The following MAP3K19 variants were observed in gnomAD, a reference collection of about 807,000 sequenced individuals.
MAP3K19 encodes mitogen-activated protein kinase kinase kinase 19.
A neutral mutation model predicts 114.4 loss-of-function variants in MAP3K19; 91 were observed. The ratio of observed to expected loss-of-function variants is 0.80; its 90% CI spans 0.67 to 0.95. MAP3K19 has a LOEUF of 0.95. MAP3K19 is among the 40% of genes least tolerant of loss of function. The pLI, the probability that MAP3K19 is intolerant of heterozygous loss-of-function variation, is 0.00. For synonymous variants in MAP3K19, 518 were observed against 530.5 expected (o/e 0.98, Z 0.32); for missense variants, 1,471 against 1,573.2 (o/e 0.94, Z 1.10).
intron 1 of MAP3K19, among the ~76,000 whole-genome samples, chr2:135,044,469 AAT>A (rs1688701194): frequency 6.6e-6 from 1 of 152,170 alleles, no homozygotes. Context: ...GCATGCCTGT[AAT>A]ACAAGCTACT....
chr2:134,988,313 C>T (rs1685322390), intron 9 of MAP3K19, 60 bp from the exon 10 acceptor site: 6 of 1,384,244 alleles, frequency 4.3e-6, no homozygotes, highest in Middle Eastern at 1.9e-4. Context: ...CACGCTAACT[C>T]GTTTAAAGTA....
At chr2:134,985,756 G>A (rs1685046131) in intron 10 of MAP3K19, 44 bp downstream of exon 10, 3 of 1,490,710 alleles carry the variant, frequency 2.0e-6, no homozygotes, top group East Asian at 4.5e-5. Context: ...TTGTCTCTGA[G>A]GTCCTTCCCA....
intron 8 of MAP3K19, among the ~76,000 whole-genome samples, chr2:134,992,250 T>G (rs980243759): frequency 6.6e-6 from 1 of 152,102 alleles, no homozygotes; most frequent in African/African-American, 2.4e-5. Flanking sequence ...TGTGCAGAAA[T>G]GTGAAAATAT....
intron 8 of MAP3K19, among the ~76,000 whole-genome samples, chr2:134,997,314 AGTG>A (rs1269134464): frequency 6.6e-6 from 1 of 152,220 alleles, no homozygotes; most frequent in Non-Finnish European, 1.5e-5. Context: ...AAAATAGAAT[AGTG>A]GTCACCAGAG....
At chr2:134,967,352 G>GT (rs1436272458) in intron 12 of MAP3K19, among the ~76,000 whole-genome samples, 1 of 152,238 alleles carries the variant, frequency 6.6e-6, no homozygotes, top group Non-Finnish European at 1.5e-5. Context: ...TAAAGGGTCT[G>GT]GCTGAGGTGG....
chr2:135,034,920 C>G (rs1688494772), intron 2 of MAP3K19, among the ~76,000 whole-genome samples: 1 of 147,238 alleles, frequency 6.8e-6, no homozygotes, highest in South Asian at 2.2e-4. Flanking sequence ...AACCTATTAT[C>G]TTTAGCCTAA....
At chr2:134,966,078 G>A (rs1683327249) in intron 12 of MAP3K19, among the ~76,000 whole-genome samples, 1 of 152,116 alleles carries the variant, frequency 6.6e-6, no homozygotes, top group Non-Finnish European at 1.5e-5. Context: ...TTTTATGGCT[G>A]AGTAGCATTC....
At chr2:134,977,845 C>T (rs1462190036) in intron 12 of MAP3K19, among the ~76,000 whole-genome samples, 3 of 152,114 alleles carry the variant, frequency 2.0e-5, no homozygotes, top group Non-Finnish European at 2.9e-5. Flanking sequence ...AGGCTAAGCT[C>T]GGTGACTTCC....
At chr2:135,019,888 T>C (rs779379898) in intron 5 of MAP3K19, among the ~76,000 whole-genome samples, 1 of 152,150 alleles carries the variant, frequency 6.6e-6, no homozygotes, top group Non-Finnish European at 1.5e-5. Flanking sequence ...CTAATACTGT[T>C]ACTGTACTAT....
chr2:134,998,788 G>A lies in MAP3K19; in HGVS notation c.524C>T (p.Thr175Ile). The A allele has an allele frequency of 1.2e-6, 2 of 1,612,052 alleles. No individual in the cohort carries two copies. Among genetic ancestry groups the A allele is most frequent in the Non-Finnish European group, 1.7e-6 (2 of 1,178,636 alleles). ...CLELNISKSV[T>I]REDAPHFLKE... The stretch of plus-strand genomic sequence containing the variant: ...CAGAAAATGAGGAGCATCTTCTCTG[G>A]TTACAGACTTGGAAATGTTCAGTTC... Residue 175 changes from threonine to isoleucine, a missense_variant, in exon 8 of 13, where the codon ACC becomes ATC. Physicochemically the swap from Thr to Ile is moderately conservative, Grantham distance 89. Transcript: ENST00000392915.
rs372852337 is a variant in MAP3K19, at chr2:135,019,893, T to C, written c.138+1822A>G. 6.3e-4 allele frequency among the ~76,000 whole-genome samples: 96 copies of C among 152,276 alleles called. 1 individual carries two copies. The highest frequency in any genetic ancestry group is 2.0e-3 in the African/African-American group (82 of 41,548). On this transcript the variant is annotated intron_variant, in intron 5 of 12. Coordinates refer to ENST00000392915, the MANE Select transcript of MAP3K19 (RefSeq NM_025052.5). ...ATGCTTGTTACTAATACTGTTACTG[T>C]ACTATAGGGGACTTTTTGTAAAGTC...
chr2:135,018,211 A>G (rs1480601880), intron 5 of MAP3K19, among the ~76,000 whole-genome samples: 1 of 149,734 alleles, frequency 6.7e-6, no homozygotes, highest in African/African-American at 2.5e-5. Flanking sequence ...CAATCACTTG[A>G]ACCCGGGCAG....
intron 8 of MAP3K19, among the ~76,000 whole-genome samples, chr2:134,997,394 A>G (rs1296733986): frequency 1.3e-5 from 2 of 152,226 alleles, no homozygotes; most frequent in East Asian, 3.8e-4. Context: ...TTGCAAGAAG[A>G]AAATGTTCTG....
At chr2:134,995,346 A>G (rs965638122) in intron 8 of MAP3K19, among the ~76,000 whole-genome samples, 1 of 151,134 alleles carries the variant, frequency 6.6e-6, no homozygotes, top group African/African-American at 2.4e-5. Context: ...AAGGAAAGGA[A>G]GATTAAGCCA....
intron 2 of MAP3K19, among the ~76,000 whole-genome samples, chr2:135,031,832 G>A (rs1688387648): frequency 6.6e-6 from 1 of 152,168 alleles, no homozygotes; most frequent in African/African-American, 2.4e-5. Context: ...TGTTAACACT[G>A]AGCCAGAAAT....
At position 134,986,971 on chromosome 2, in the gene MAP3K19, G is replaced by C. The variant is rs200710231; in HGVS notation, c.1901C>G (p.Pro634Arg). Residue 634 changes from proline (P) to arginine (R), a missense_variant, in exon 10 of 13, where the codon CCG becomes CGG. Pro to Arg is a moderately radical substitution (Grantham distance 103). Coordinates refer to ENST00000392915, the MANE Select transcript of MAP3K19 (RefSeq NM_025052.5). ...TAGGTAATTTAGTCTTGGCTCTGTC[G>C]GTTGAACAGAGAGAGGAACACATGA... ...QKSCVPLSVQ[P>R]TEPRLNYLDL... 6.2e-7 allele frequency: 1 copy of C among 1,613,478 alleles called. No homozygotes were observed. Among genetic ancestry groups the C allele is most frequent in the Non-Finnish European group, 8.5e-7 (1 of 1,179,800 alleles).
At chr2:135,030,925 C>T (rs1233969060) in intron 2 of MAP3K19, among the ~76,000 whole-genome samples, 2 of 152,078 alleles carry the variant, frequency 1.3e-5, no homozygotes, top group Non-Finnish European at 2.9e-5. Flanking sequence ...TAGCAAGATC[C>T]TGTCTCTAAA....
In MAP3K19 at chr2:134,991,538, T is replaced by C; in HGVS notation, c.617A>G (p.Lys206Arg). 6.2e-7 allele frequency: 1 copy of C among 1,612,498 alleles called. No homozygotes were observed. The highest frequency in any genetic ancestry group is 2.2e-5 in the East Asian group (1 of 44,804). ...CAAAAATGCTAGCACTAATCTTACC[T>C]TGATGCTTCGGCCACTGTACTTCAT... ...SHMKYSGRSI[K>R]FLLPPLSLLP... The change falls in exon 9 of 13, where the codon AAG (lysine) becomes AGG (arginine). Residue 206 changes from lysine to arginine, a missense_variant and splice_region_variant. By Grantham distance (26) the Lys-to-Arg change is conservative (BLOSUM62 2). Coordinates refer to ENST00000392915, the MANE Select transcript of MAP3K19 (RefSeq NM_025052.5).
At chr2:134,978,453 G>A (rs946829213) in intron 12 of MAP3K19, among the ~76,000 whole-genome samples, 1 of 151,826 alleles carries the variant, frequency 6.6e-6, no homozygotes, top group Non-Finnish European at 1.5e-5. Flanking sequence ...CCCCCACCTC[G>A]GCCTTCCTAA....
Sources: gnomAD v4.1 joint callset for allele counts (sites outside exome capture counted in the v4.1 genomes callset) on GRCh38, gnomAD v4.1.1 for gene constraint, MANE v1.5 for transcripts, NCBI Gene and HGNC (gene_info 2026-07-23, HGNC 2026-07-21) for gene names.